The following MROH1 variants were observed in gnomAD, a reference collection of about 807,000 sequenced individuals.
MROH1 encodes maestro heat-like repeat-containing protein family member 1.
A neutral mutation model predicts 116.5 loss-of-function variants in MROH1; 117 were observed. That is an observed-to-expected ratio of 1.00 (90% CI 0.86 to 1.17). The LOEUF (loss-of-function observed/expected upper bound fraction) is 1.17, where lower values mean the gene tolerates loss of function less well. Among genes scored for constraint, MROH1 ranks in the 50% most tolerant of loss-of-function variants. MROH1 has a pLI of 0.00. For missense variants in MROH1, 1,873 were observed against 1,338.5 expected (o/e 1.40, Z -6.23); for synonymous variants, 921 against 583.9 (o/e 1.58, Z -8.32).
At chr8:144,248,228 C>G (rs971743504) in intron 31 of MROH1, among the ~76,000 whole-genome samples, 90 of 152,322 alleles carry the variant, frequency 5.9e-4, no homozygotes, top group African/African-American at 1.9e-3. Context: ...CCCTCCCCGA[C>G]CCATGCCTGC....
At chr8:144,179,176 C>T (rs1824882316) in intron 4 of MROH1, among the ~76,000 whole-genome samples, 1 of 151,854 alleles carries the variant, frequency 6.6e-6, no homozygotes, top group South Asian at 2.1e-4. Context: ...ACTGGGAGAC[C>T]CTACTGACTA....
intron 12 of MROH1, among the ~76,000 whole-genome samples, chr8:144,203,686 C>T (rs1381291538): frequency 6.6e-6 from 1 of 152,134 alleles, no homozygotes; most frequent in African/African-American, 2.4e-5. Context: ...GGGCGTGTGG[C>T]AGCCCCACAG....
In MROH1 at chr8:144,236,616, G is replaced by A. The variant is rs994797889; in HGVS notation, c.1339-2140G>A. 5.3e-3 allele frequency among the ~76,000 whole-genome samples: 806 copies of A among 151,844 alleles called. 6 individuals are homozygous for A. Among genetic ancestry groups the A allele is most frequent in the African/African-American group, 0.019 (769 of 41,428 alleles). Reference sequence around the variant, plus strand: ...AATTTAGCCAGGTATGGTGGTGGGCGCCTGTAATCTCAGCTACTCGGGAGG... The same window carrying A: ...AATTTAGCCAGGTATGGTGGTGGGCACCTGTAATCTCAGCTACTCGGGAGG... On this transcript the variant is annotated intron_variant, in intron 14 of 43. Transcript: ENST00000326134.
chr8:144,245,083 C>A, intron 28 of MROH1, 73 bp from the exon 29 acceptor site: 2 of 776,284 alleles, frequency 2.6e-6, no homozygotes, highest in Non-Finnish European at 4.8e-6. Context: ...ACTGAGCTGG[C>A]CCACGATGCA....
chr8:144,188,660 G>A (rs891191772), intron 7 of MROH1, among the ~76,000 whole-genome samples: 1 of 151,928 alleles, frequency 6.6e-6, no homozygotes, highest in African/African-American at 2.4e-5. Flanking sequence ...TACAGACGGG[G>A]TGTCAACATG....
intron 12 of MROH1, among the ~76,000 whole-genome samples, chr8:144,215,763 C>T (rs1433124413): frequency 6.6e-6 from 1 of 151,256 alleles, no homozygotes; most frequent in Non-Finnish European, 1.5e-5. Flanking sequence ...GTCCCAGCTA[C>T]TCGGGAGGCT....
intron 43 of MROH1, 35 bp downstream of exon 43, chr8:144,261,384 C>G: frequency 4.3e-6 from 3 of 700,696 alleles, no homozygotes; most frequent in Non-Finnish European, 7.8e-6. Flanking sequence ...TCCGCTGGGC[C>G]CTGCTGACCC....
Position 144,259,277 on chromosome 8 carries a change from G to C in MROH1, c.3967G>C (p.Val1323Leu), listed in dbSNP as rs1844513241. The change falls in exon 37 of 44, where the codon GTG (valine) becomes CTG (leucine). Residue 1323 changes from valine to leucine, a missense_variant. By Grantham distance (32) the Val-to-Leu change is conservative (BLOSUM62 1). Coordinates refer to ENST00000326134, the MANE Select transcript of MROH1 (RefSeq NM_032450.3). ...GCACGCAGGGCCCCGACTCCCCCTG[G>C]TGCTGAAGACGCTGGCATGCACACA... is the stretch of plus-strand genomic sequence containing the variant. The part of the protein sequence containing the change: ...AEHAGPRLPL[V>L]LKTLACTHSS... The C allele has an allele frequency of 1.4e-6, 1 of 714,838 alleles. No individual in the cohort carries two copies. The highest frequency in any genetic ancestry group is 2.6e-6 in the Non-Finnish European group (1 of 384,902). 44.3% of individuals were successfully genotyped at this position (714,838 alleles called of 1,614,324 possible).
chr8:144,211,029 G>A (rs975848984), intron 12 of MROH1, among the ~76,000 whole-genome samples: 3 of 152,076 alleles, frequency 2.0e-5, no homozygotes, highest in Non-Finnish European at 4.4e-5. Context: ...GTTCCCCTCC[G>A]TTCTTCTCTT....
intron 7 of MROH1, among the ~76,000 whole-genome samples, chr8:144,184,294 G>C (rs1004658189): frequency 3.9e-5 from 6 of 152,176 alleles, no homozygotes; most frequent in African/African-American, 1.4e-4. Context: ...CTCTGGCCGG[G>C]GGGTGTGGCC....
At chr8:144,207,467 G>A (rs935514403) in intron 12 of MROH1, among the ~76,000 whole-genome samples, 9 of 151,980 alleles carry the variant, frequency 5.9e-5, no homozygotes, top group Non-Finnish European at 1.0e-4. Flanking sequence ...ATTTACAGGC[G>A]TGAGCCACCA....
chr8:144,211,198 C>T (rs1435606108), intron 12 of MROH1, among the ~76,000 whole-genome samples: 1 of 152,198 alleles, frequency 6.6e-6, no homozygotes, highest in African/African-American at 2.4e-5. Context: ...CAGATTCAGA[C>T]TCAAGCTCAG....
At chr8:144,260,549 G>A in intron 39 of MROH1, 128 bp from the exon 40 acceptor site, 1 of 754,656 alleles carries the variant, frequency 1.3e-6, no homozygotes, top group South Asian at 1.4e-5. Context: ...CCACCCGTAA[G>A]GCCCCCACCC....
chr8:144,177,319 C>T (rs894696446), intron 4 of MROH1, among the ~76,000 whole-genome samples: 1 of 152,230 alleles, frequency 6.6e-6, no homozygotes, highest in African/African-American at 2.4e-5. Context: ...CTGCCTGGCG[C>T]TGCCCCGTCA....
At chr8:144,152,611 A>T (rs987170339) in intron 1 of MROH1, among the ~76,000 whole-genome samples, 26 of 151,566 alleles carry the variant, frequency 1.7e-4, no homozygotes, top group Non-Finnish European at 3.4e-4. Flanking sequence ...CAGTGGTGCA[A>T]TCTCGGCTCA....
chr8:144,177,487 T>C (rs1036872114), intron 4 of MROH1, among the ~76,000 whole-genome samples: 3 of 152,250 alleles, frequency 2.0e-5, no homozygotes, highest in African/African-American at 7.2e-5. Context: ...TCAAATGTCC[T>C]GCGTGGCTGT....
At chr8:144,183,806 C>T (rs1275079592) in intron 7 of MROH1, among the ~76,000 whole-genome samples, 1 of 152,190 alleles carries the variant, frequency 6.6e-6, no homozygotes, top group African/African-American at 2.4e-5. Context: ...CACCACCACG[C>T]CTGGCTAATT....
At chr8:144,213,779 C>T (rs576842786) in intron 12 of MROH1, among the ~76,000 whole-genome samples, 2 of 152,084 alleles carry the variant, frequency 1.3e-5, no homozygotes, top group African/African-American at 4.8e-5. Flanking sequence ...CAGAGCAAGA[C>T]TCCGTCTCAA....
intron 5 of MROH1, 107 bp downstream of exon 5, chr8:144,179,693 G>C: frequency 7.2e-7 from 1 of 1,381,964 alleles, no homozygotes; most frequent in Non-Finnish European, 9.9e-7. Context: ...GTGGTGTTTG[G>C]CTGCCTTGGG....
Sources: gnomAD v4.1 joint callset for allele counts (sites outside exome capture counted in the v4.1 genomes callset) on GRCh38, gnomAD v4.1.1 for gene constraint, MANE v1.5 for transcripts, NCBI Gene and HGNC (gene_info 2026-07-23, HGNC 2026-07-21) for gene names.